The following GNAL variants were observed in gnomAD, a reference collection of about 807,000 sequenced individuals.
GNAL encodes guanine nucleotide-binding protein G(olf) subunit alpha.
In GNAL, 18 loss-of-function variants were observed where a neutral mutation model predicts 55.1. That is an observed-to-expected ratio of 0.33 (90% confidence interval 0.23 to 0.48). The LOEUF (loss-of-function observed/expected upper bound fraction) is 0.48. Among genes scored for constraint, GNAL ranks in the 20% least tolerant of loss-of-function variants. The pLI is 0.99. For synonymous variants in GNAL, 253 were observed against 237.0 expected (o/e 1.07, Z -0.62); for missense variants, 412 against 614.1 (o/e 0.67, Z 3.48).
At chr18:11,694,995 G>A (rs991909176) in intron 1 of GNAL, among the ~76,000 whole-genome samples, 1 of 152,026 alleles carries the variant, frequency 6.6e-6, no homozygotes, top group Admixed American at 6.6e-5. Flanking sequence ...CCACCTTACG[G>A]CCTCATCTTA....
chr18:11,697,909 C>A (rs530729520), intron 1 of GNAL, among the ~76,000 whole-genome samples: 1 of 152,282 alleles, frequency 6.6e-6, no homozygotes, highest in African/African-American at 2.4e-5. Context: ...AGAGAGGCTG[C>A]AGAGCCAGAG....
intron 4 of GNAL, among the ~76,000 whole-genome samples, chr18:11,786,436 C>CCTTTTTTTT (rs2034059621): frequency 3.3e-5 from 2 of 60,616 alleles, no homozygotes; most frequent in African/African-American, 1.4e-4. Context: ...CATACGTTTT[C>CCTTTTTTTT]TTTTTTTTTT....
At chr18:11,817,232 T>C (rs941434284) in intron 4 of GNAL, among the ~76,000 whole-genome samples, 2 of 152,242 alleles carry the variant, frequency 1.3e-5, no homozygotes, top group Non-Finnish European at 2.9e-5. Flanking sequence ...TGGTCTCTTA[T>C]ACCCAAGGAA....
At chr18:11,815,621 C>T (rs2034935955) in intron 4 of GNAL, among the ~76,000 whole-genome samples, 1 of 152,090 alleles carries the variant, frequency 6.6e-6, no homozygotes, top group Non-Finnish European at 1.5e-5. Flanking sequence ...GATTACAATT[C>T]AACATGAGAT....
chr18:11,865,587 CAAAA>C (rs61456751), intron 7 of GNAL, among the ~76,000 whole-genome samples: 2 of 123,118 alleles, frequency 1.6e-5, no homozygotes, highest in Non-Finnish European at 1.6e-5. Flanking sequence ...CTGTCTCTAC[CAAAA>C]AAAAAAAAAA....
chr18:11,824,249 T>C (rs73407426), intron 4 of GNAL, among the ~76,000 whole-genome samples: 2,796 of 68,856 alleles, frequency 0.041, 95 homozygotes, highest in African/African-American at 0.099. Flanking sequence ...GCATGTTTTT[T>C]TCATGGCTGA....
At chr18:11,693,814 G>C (rs2035195) in intron 1 of GNAL, among the ~76,000 whole-genome samples, 44,158 of 135,870 alleles carry the variant, frequency 0.33, 10,095 homozygotes, top group African/African-American at 0.67. Flanking sequence ...GCCAGAAGTT[G>C]AAGACCAGCC....
intron 5 of GNAL, among the ~76,000 whole-genome samples, chr18:11,826,507 C>T (rs1379889545): frequency 1.3e-5 from 2 of 152,194 alleles, no homozygotes; most frequent in African/African-American, 4.8e-5. Flanking sequence ...CTTTCAGCTA[C>T]AGCAACCAGC....
chr18:11,884,381 C>G lies in GNAL; in HGVS notation c.*3246C>G. 6.5e-7 allele frequency: 1 copy of G among 1,527,508 alleles called. No individual in the cohort carries two copies. Among genetic ancestry groups the G allele is most frequent in the Non-Finnish European group, 9.0e-7 (1 of 1,113,042 alleles). 94.6% of individuals were successfully genotyped at this position (1,527,508 alleles called of 1,614,324 possible). ...AATTGGTCTCATCATCCACTTGATT[C>G]TAACATGATCTCTGCCCAAAGTTCC... On this transcript the variant is annotated 3_prime_UTR_variant, in exon 12 of 12. Transcript: ENST00000334049.
chr18:11,853,969 T>C (rs2035943262), intron 5 of GNAL: 1 of 165,304 alleles, frequency 6.0e-6, no homozygotes, highest in African/African-American at 2.4e-5. Context: ...ATTACAGGTG[T>C]GCACCACCAT....
At chr18:11,789,345 G>A (rs1015502926) in intron 4 of GNAL, among the ~76,000 whole-genome samples, 1 of 152,200 alleles carries the variant, frequency 6.6e-6, no homozygotes, top group African/African-American at 2.4e-5. Flanking sequence ...GATACAAGAA[G>A]TGTAAAGTGG....
At chr18:11,772,483 T>G (rs1241147681) in intron 4 of GNAL, among the ~76,000 whole-genome samples, 1 of 152,100 alleles carries the variant, frequency 6.6e-6, no homozygotes, top group Non-Finnish European at 1.5e-5. Flanking sequence ...CCAAATAGAG[T>G]TGATGTCTCC....
chr18:11,720,731 G>A (rs116390603), intron 1 of GNAL, among the ~76,000 whole-genome samples: 7 of 152,260 alleles, frequency 4.6e-5, no homozygotes, highest in African/African-American at 1.7e-4. Context: ...AATTTCCTTC[G>A]TACTTTTGTC....
chr18:11,766,371 T>A (rs2033406435), intron 4 of GNAL, among the ~76,000 whole-genome samples: 1 of 152,240 alleles, frequency 6.6e-6, no homozygotes, highest in Non-Finnish European at 1.5e-5. Flanking sequence ...GCAATTCCAT[T>A]TTTAATTTGT....
rs774048722 is a variant in GNAL at position 11,753,802 on chromosome 18, AT to A, written c.505-16del. ...ACATGGAGCCTAAATGTTTATCCAT[AT>A]TTTTTTTCTTATTCCATTTTAGACA... On this transcript the variant is annotated intron_variant, in intron 3 of 11. Transcript: ENST00000334049. 871 of 1,578,702 alleles carry A rather than the reference AT, an allele frequency of 5.5e-4. 11 individuals are homozygous for A. The South Asian group carries it at 8.3e-3, about 15-fold the overall frequency.
At chr18:11,755,518 A>AT (rs2033024198) in intron 4 of GNAL, among the ~76,000 whole-genome samples, 1 of 151,614 alleles carries the variant, frequency 6.6e-6, no homozygotes, top group Non-Finnish European at 1.5e-5. Context: ...CTCATGATCC[A>AT]CCCGCCTCGG....
intron 4 of GNAL, among the ~76,000 whole-genome samples, 188 bp downstream of exon 4, chr18:11,754,133 G>C (rs1048456124): frequency 6.6e-6 from 1 of 152,054 alleles, no homozygotes; most frequent in Non-Finnish European, 1.5e-5. Flanking sequence ...TATTAACTAC[G>C]GCCAGGGGCG....
At chr18:11,734,496 A>G (rs1226680543) in intron 1 of GNAL, among the ~76,000 whole-genome samples, 1 of 151,908 alleles carries the variant, frequency 6.6e-6, no homozygotes, top group East Asian at 1.9e-4. Context: ...AGTGGAGGCA[A>G]TCATGTCTGG....
intron 4 of GNAL, among the ~76,000 whole-genome samples, chr18:11,784,699 T>A (rs1278288272): frequency 6.6e-6 from 1 of 152,184 alleles, no homozygotes; most frequent in Non-Finnish European, 1.5e-5. Flanking sequence ...TTAAAAGGAA[T>A]GTATTATGAA....
Sources: gnomAD v4.1 joint callset for allele counts (sites outside exome capture counted in the v4.1 genomes callset) on GRCh38, gnomAD v4.1.1 for gene constraint, MANE v1.5 for transcripts, NCBI Gene and HGNC (gene_info 2026-07-23, HGNC 2026-07-21) for gene names.